The following EPHA5 variants were observed in gnomAD, a reference collection of about 807,000 sequenced individuals.
EPHA5 encodes EPH receptor A5.
A neutral mutation model predicts 105.0 loss-of-function variants in EPHA5; 60 were observed. The ratio of observed to expected loss-of-function variants is 0.57; its 90% CI spans 0.46 to 0.71. EPHA5 has a LOEUF of 0.71. EPHA5 is among the 30% of genes least tolerant of loss of function. The pLI is 0.00. For missense variants in EPHA5, 1,218 were observed against 1,274.7 expected (o/e 0.96, Z 0.68); for synonymous variants, 513 against 449.1 (o/e 1.14, Z -1.80).
chr4:65,465,818 C>T (rs576399446), intron 5 of EPHA5, among the ~76,000 whole-genome samples: 9 of 152,208 alleles, frequency 5.9e-5, no homozygotes, highest in African/African-American at 1.9e-4. Flanking sequence ...GAAAAAAATA[C>T]CCATTTGTAA....
At chr4:65,390,730 T>C (rs1577993830) in intron 8 of EPHA5, among the ~76,000 whole-genome samples, 1 of 152,016 alleles carries the variant, frequency 6.6e-6, no homozygotes, top group African/African-American at 2.4e-5. Flanking sequence ...TTGTCATTTA[T>C]AATAACGATG....
intron 5 of EPHA5, among the ~76,000 whole-genome samples, chr4:65,423,754 A>T (rs1479110733): frequency 6.6e-6 from 1 of 151,018 alleles, no homozygotes; most frequent in Non-Finnish European, 1.5e-5. Context: ...TCACTGCTCC[A>T]GTCCTAGAGT....
rs375327090 is a variant in EPHA5, at chr4:65,452,305, G to A, written c.1403-31740C>T. 2.6e-4 allele frequency among the ~76,000 whole-genome samples: 40 copies of A among 151,970 alleles called. 2 individuals carry two copies. In the South Asian group the frequency reaches 6.2e-3, roughly 24 times the overall value. On this transcript the variant is annotated intron_variant, in intron 5 of 16. Coordinates refer to ENST00000613740, the MANE Select transcript of EPHA5 (RefSeq NM_001281766.3). The stretch of plus-strand genomic sequence containing the variant: ...ATTTTTTAAATGCAAATAGATTAAC[G>A]CATTTATTTTCCTATGAGACATTTA...
chr4:65,651,164 G>A (rs761164521), intron 1 of EPHA5, among the ~76,000 whole-genome samples: 1 of 152,154 alleles, frequency 6.6e-6, no homozygotes, highest in Non-Finnish European at 1.5e-5. Context: ...TACAGTCATC[G>A]AGAGAAAATA....
chr4:65,657,056 G>A (rs764216976), intron 1 of EPHA5, among the ~76,000 whole-genome samples: 1 of 151,062 alleles, frequency 6.6e-6, no homozygotes, highest in African/African-American at 2.4e-5. Flanking sequence ...TTTCTTCCAC[G>A]TAAATCTATC....
At chr4:65,414,221 C>A (rs1025562369) in intron 7 of EPHA5, 63 bp downstream of exon 7, 28 of 1,463,498 alleles carry the variant, frequency 1.9e-5, no homozygotes, top group Non-Finnish European at 2.6e-5. Context: ...GGGTATTGAT[C>A]CACTGACTCT....
intron 5 of EPHA5, among the ~76,000 whole-genome samples, chr4:65,445,667 A>G (rs1303354686): frequency 6.6e-6 from 1 of 152,142 alleles, no homozygotes; most frequent in Non-Finnish European, 1.5e-5. Flanking sequence ...GGTGTTCCAT[A>G]CCTTTACTTG....
intron 3 of EPHA5, among the ~76,000 whole-genome samples, chr4:65,532,321 G>A (rs537036475): frequency 5.3e-5 from 8 of 151,866 alleles, no homozygotes; most frequent in South Asian, 2.1e-4. Flanking sequence ...CTTAACTATC[G>A]TCATTCTCTA....
chr4:65,350,464 T>A (rs1722712071), intron 13 of EPHA5, among the ~76,000 whole-genome samples: 1 of 152,134 alleles, frequency 6.6e-6, no homozygotes, highest in African/African-American at 2.4e-5. Context: ...AACATGCATA[T>A]TACTTTGAGA....
At chr4:65,535,054 G>C (rs6852029) in intron 3 of EPHA5, among the ~76,000 whole-genome samples, 132,852 of 152,182 alleles carry the variant, frequency 0.87, 58,112 homozygotes, top group Admixed American at 0.9. Context: ...AATAGCTTGT[G>C]CTTGCTGTTG....
intron 3 of EPHA5, among the ~76,000 whole-genome samples, chr4:65,550,924 G>T (rs940956313): frequency 2.0e-5 from 3 of 151,872 alleles, no homozygotes; most frequent in African/African-American, 7.3e-5. Flanking sequence ...AATAAACCAT[G>T]ATTTGGAGAT....
chr4:65,600,071 C>T (rs942213266), intron 3 of EPHA5, among the ~76,000 whole-genome samples: 4 of 151,962 alleles, frequency 2.6e-5, no homozygotes, highest in African/African-American at 7.2e-5. Context: ...TTTTATAATA[C>T]TAATAAACAA....
rs1431902558 is a variant in EPHA5, at chr4:65,323,062, T to A, written c.*1052A>T. ...GTGTCAACTTTGCTTGACAAGATAC[T>A]TTTCAGGACTCAGAAAGGTGAAATT... On this transcript the variant is annotated 3_prime_UTR_variant, in exon 17 of 17. Coordinates refer to ENST00000613740, the MANE Select transcript of EPHA5 (RefSeq NM_001281766.3). 8.7e-6 allele frequency: 2 copies of A among 228,906 alleles called. No individual in the cohort carries two copies. The highest frequency in any genetic ancestry group is 1.7e-5 in the Non-Finnish European group (2 of 115,362). The allele number at this position is 228,906 out of a possible 1,614,324, so 14.2% of individuals were successfully genotyped here.
intron 3 of EPHA5, among the ~76,000 whole-genome samples, chr4:65,551,343 G>A (rs1737902838): frequency 6.6e-6 from 1 of 151,534 alleles, no homozygotes; most frequent in South Asian, 2.1e-4. Flanking sequence ...ATTTATGTTT[G>A]AGAGTGAAAG....
rs1577894276 is a variant in EPHA5, at chr4:65,353,030, C to T, written c.2235+12G>A. ...TAACACCTTGAATAACTAAATTATTCCCCAATCCTACCTTCAAAAATGTAT... is the reference window on the plus strand; with the variant it reads ...TAACACCTTGAATAACTAAATTATTTCCCAATCCTACCTTCAAAAATGTAT... On this transcript the variant is annotated intron_variant, in intron 12 of 16. Transcript: ENST00000613740. 6.6e-7 allele frequency: 1 copy of T among 1,510,982 alleles called. No individual in the cohort carries two copies. The highest frequency in any genetic ancestry group is 9.0e-7 in the Non-Finnish European group (1 of 1,115,314). 93.6% of individuals were successfully genotyped at this position (1,510,982 alleles called of 1,614,324 possible).
chr4:65,407,664 T>C (rs1458457238), intron 7 of EPHA5, among the ~76,000 whole-genome samples: 1 of 151,058 alleles, frequency 6.6e-6, no homozygotes, highest in African/African-American at 2.4e-5. Flanking sequence ...AAGAATATAT[T>C]TTTGTTTATT....
intron 3 of EPHA5, among the ~76,000 whole-genome samples, chr4:65,521,629 G>A (rs1734730063): frequency 6.6e-6 from 1 of 151,706 alleles, no homozygotes; most frequent in African/African-American, 2.4e-5. Flanking sequence ...AATTTTGGGG[G>A]GTATCCAAAT....
chr4:65,613,744 A>G (rs1329316965), intron 2 of EPHA5, among the ~76,000 whole-genome samples: 1 of 152,046 alleles, frequency 6.6e-6, no homozygotes, highest in Non-Finnish European at 1.5e-5. Context: ...ATACTTTTGA[A>G]TAAATGTATA....
At chr4:65,432,655 ACTC>A (rs1725091037) in intron 5 of EPHA5, among the ~76,000 whole-genome samples, 1 of 150,040 alleles carries the variant, frequency 6.7e-6, no homozygotes, top group African/African-American at 2.5e-5. Flanking sequence ...GAAGCCTTGA[ACTC>A]CTGGTTTCAA....
Sources: gnomAD v4.1 joint callset for allele counts (sites outside exome capture counted in the v4.1 genomes callset) on GRCh38, gnomAD v4.1.1 for gene constraint, MANE v1.5 for transcripts, NCBI Gene and HGNC (gene_info 2026-07-23, HGNC 2026-07-21) for gene names.